PCNX1: variants seen among roughly 807,000 people sequenced by gnomAD.
PCNX1 encodes the protein pecanex-like protein 1.
Under a neutral mutation model 242.2 loss-of-function variants are expected in PCNX1, and 78 were observed. The ratio of observed to expected loss-of-function variants is 0.32; its 90% confidence interval spans 0.27 to 0.39. The LOEUF is 0.39. Ranked by LOEUF, PCNX1 falls within the 10% of genes least tolerant of loss-of-function variation. The pLI is 1.00. For synonymous variants in PCNX1, 1,024 were observed against 1,032.9 expected, an observed-to-expected ratio of 0.99 and a Z score of 0.17; for missense variants, 2,581 against 2,856.5, an observed-to-expected ratio of 0.90 and a Z score of 2.20.
chr14:71,103,636 A>G lies in PCNX1; in HGVS notation c.6062A>G (p.Asn2021Ser). The G allele has an allele frequency of 6.2e-7, 1 of 1,614,162 alleles. No homozygotes were observed. Among genetic ancestry groups the G allele is most frequent in the East Asian group, 2.2e-5 (1 of 44,884 alleles). The change falls in exon 32 of 36, where the codon AAT becomes AGT. Residue 2021 changes from asparagine (N) to serine (S), a missense_variant. This residue lies in a region of PCNX1 where 432 missense variants were observed against 433.6 expected (regional missense o/e 1.00). Transcript: ENST00000304743. ...CTTGGGGGTCCTATCAGCTTGGGAAATATCAGGAACTTCATAGTGTCAACC... is the reference window on the plus strand; with the variant it reads ...CTTGGGGGTCCTATCAGCTTGGGAAGTATCAGGAACTTCATAGTGTCAACC... ...DILGGPISLGNIRNFIVSTWH... is the reference protein window; with the variant it reads ...DILGGPISLGSIRNFIVSTWH...
chr14:70,937,652 T>G (rs2057063706), intron 1 of PCNX1, among the ~76,000 whole-genome samples: 1 of 152,176 alleles, frequency 6.6e-6, no homozygotes, highest in African/African-American at 2.4e-5. Flanking sequence ...TTAAAGTAGT[T>G]TTTTTCCAAT....
chr14:70,914,164 A>G (rs1364005640), intron 1 of PCNX1, among the ~76,000 whole-genome samples: 1 of 152,222 alleles, frequency 6.6e-6, no homozygotes, highest in Non-Finnish European at 1.5e-5. Context: ...CAAAGAAGGG[A>G]ACAATAAATA....
intron 26 of PCNX1, among the ~76,000 whole-genome samples, chr14:71,071,748 C>G (rs1351790515): frequency 6.6e-6 from 1 of 152,214 alleles, no homozygotes; most frequent in African/African-American, 2.4e-5. Flanking sequence ...CAAGAATGGA[C>G]TAATGCATTT....
In PCNX1 at chr14:70,983,001, G is replaced by A. The variant is rs1420631354; in HGVS notation, c.2311+4353G>A. Among the ~76,000 whole-genome samples, 4 of 152,078 alleles carry A rather than the reference G, an allele frequency of 2.6e-5. No homozygotes were observed. In the East Asian group the frequency reaches 5.8e-4, roughly 22 times the overall value. ...ATGTGAAAATGCTTTATGTATTGTA[G>A]GTTCATTATATAAACAAAGACAGTG... On this transcript the variant is annotated intron_variant, in intron 6 of 35. Coordinates refer to ENST00000304743, the MANE Select transcript of PCNX1 (RefSeq NM_014982.3).
At chr14:70,988,732 T>C in intron 7 of PCNX1, 33 bp downstream of exon 7, 2 of 1,601,358 alleles carry the variant, frequency 1.2e-6, no homozygotes, top group Non-Finnish European at 1.7e-6. Flanking sequence ...AAGTTTAGCA[T>C]GCATGTAACA....
intron 7 of PCNX1, among the ~76,000 whole-genome samples, chr14:70,994,196 A>G (rs1364092974): frequency 6.6e-6 from 1 of 151,844 alleles, no homozygotes; most frequent in Non-Finnish European, 1.5e-5. Context: ...GCCCTGTTCT[A>G]TATGGTAGAC....
intron 1 of PCNX1, among the ~76,000 whole-genome samples, chr14:70,913,586 A>G (rs1024326876): frequency 1.1e-4 from 16 of 152,260 alleles, no homozygotes; most frequent in Non-Finnish European, 2.2e-4. Flanking sequence ...AAAGGTTTCA[A>G]CATTTTCTTC....
At chr14:71,043,436 T>G (rs1356636396) in intron 19 of PCNX1, among the ~76,000 whole-genome samples, 1 of 152,086 alleles carries the variant, frequency 6.6e-6, no homozygotes, top group Non-Finnish European at 1.5e-5. Context: ...ATTTAAATAT[T>G]TGGTCATTTT....
intron 1 of PCNX1, among the ~76,000 whole-genome samples, chr14:70,923,788 A>AT (rs377687101): frequency 0.015 from 2,232 of 150,378 alleles, 18 homozygotes; most frequent in African/African-American, 0.021. Flanking sequence ...CAGCTGACAG[A>AT]TTTTTTTTTT....
At chr14:71,103,701 G>A in intron 32 of PCNX1, 32 bp downstream of exon 32, 1 of 1,605,024 alleles carries the variant, frequency 6.2e-7, no homozygotes, top group Non-Finnish European at 8.5e-7. Context: ...TTCAGTGCTG[G>A]TGTATTCCTG....
intron 22 of PCNX1, among the ~76,000 whole-genome samples, chr14:71,050,407 C>G (rs890436491): frequency 6.6e-6 from 1 of 151,976 alleles, no homozygotes; most frequent in African/African-American, 2.4e-5. Context: ...TTTTTTTAAA[C>G]AGATGAAACA....
intron 26 of PCNX1, among the ~76,000 whole-genome samples, chr14:71,063,720 A>T (rs186241224): frequency 6.6e-6 from 1 of 152,110 alleles, no homozygotes; most frequent in Non-Finnish European, 1.5e-5. Context: ...CATTCAGCCA[A>T]TTTATTATTT....
intron 13 of PCNX1, among the ~76,000 whole-genome samples, chr14:71,025,450 A>G (rs932376667): frequency 2.0e-5 from 3 of 151,964 alleles, no homozygotes; most frequent in African/African-American, 4.8e-5. Flanking sequence ...TTGGTAGGTA[A>G]TGGTATTTAT....
intron 22 of PCNX1, among the ~76,000 whole-genome samples, chr14:71,048,562 G>A (rs538306608): frequency 2.0e-5 from 3 of 152,158 alleles, no homozygotes; most frequent in Non-Finnish European, 4.4e-5. Context: ...CAGTGAAATA[G>A]GCTGTACAGT....
chr14:71,091,445 C>T (rs529522651), intron 30 of PCNX1, among the ~76,000 whole-genome samples: 2 of 152,290 alleles, frequency 1.3e-5, no homozygotes, highest in Admixed American at 1.3e-4. Context: ...GATTCTTGAA[C>T]AACACAGGTT....
intron 28 of PCNX1, among the ~76,000 whole-genome samples, chr14:71,077,421 C>T (rs1595450897): frequency 6.6e-6 from 1 of 152,186 alleles, no homozygotes; most frequent in Non-Finnish European, 1.5e-5. Flanking sequence ...CTGGTGCCTT[C>T]GTCATGGTCT....
At chr14:70,914,450 T>G (rs1392001251) in intron 1 of PCNX1, among the ~76,000 whole-genome samples, 1 of 152,194 alleles carries the variant, frequency 6.6e-6, no homozygotes, top group Non-Finnish European at 1.5e-5. Context: ...GACGTAAAGG[T>G]GGAGTGTTTT....
Position 71,026,264 on chromosome 14 carries a change from A to C in PCNX1, c.3331A>C (p.Ile1111Leu). 1 of 1,606,048 alleles carries C rather than the reference A, an allele frequency of 6.2e-7. No individual in the cohort carries two copies. The change falls in exon 14 of 36, where the codon ATA becomes CTA. Residue 1111 changes from isoleucine to leucine, a missense_variant. Transcript: ENST00000304743. ...GITFTNPLVF[I>L]SARDLVIVFT... ...AACTTTCACCAATCCACTGGTGTTT[A>C]TATCAGCCAGGGATTTAGTTATAGG...
At chr14:71,002,072 G>A (rs1244711813) in intron 8 of PCNX1, among the ~76,000 whole-genome samples, 1 of 152,174 alleles carries the variant, frequency 6.6e-6, no homozygotes, top group Non-Finnish European at 1.5e-5. Flanking sequence ...TCTCTAACTA[G>A]GTGGACAGAA....
Sources: gnomAD v4.1 joint callset for allele counts (sites outside exome capture counted in the v4.1 genomes callset) on GRCh38, gnomAD v4.1.1 for gene constraint, gnomAD v4.1.1 regional missense constraint, MANE v1.5 for transcripts, NCBI Gene and HGNC (gene_info 2026-07-23, HGNC 2026-07-21) for gene names.